The following PPP1R3A variants were observed in gnomAD, a reference collection of about 807,000 sequenced individuals.
PPP1R3A encodes the protein protein phosphatase 1 regulatory subunit 3A.
Under a neutral mutation model 41.7 loss-of-function variants are expected in PPP1R3A, and 29 were observed. That is an observed-to-expected ratio of 0.70 (90% CI 0.52 to 0.95). The LOEUF (loss-of-function observed/expected upper bound fraction) is 0.95. Among genes scored for constraint, PPP1R3A ranks in the 40% least tolerant of loss-of-function variants. PPP1R3A has a pLI of 0.00. For synonymous variants in PPP1R3A, 485 were observed against 453.4 expected (o/e 1.07, Z -0.89); for missense variants, 1,352 against 1,292.4 (o/e 1.05, Z -0.71).
chr7:113,888,186 GAATT>G (rs1796818897), intron 1 of PPP1R3A, among the ~76,000 whole-genome samples: 1 of 152,124 alleles, frequency 6.6e-6, no homozygotes, highest in Non-Finnish European at 1.5e-5. Context: ...AAATGAGGTT[GAATT>G]ATTTAGGTAC....
At position 113,878,362 on chromosome 7, in the gene PPP1R3A, A is replaced by C. The variant is rs1216386658; in HGVS notation, c.2730T>G (p.Pro910=). ...GTTTGGAAAAAGGAGAGCTATTCTG[A>C]GGAGCTCTATTAGTGTCTGAGTTAA... ...SAFNSDTNRA[P]QNSSPFSKHH... The change falls in exon 4 of 4, where the codon CCT becomes CCG. Residue 910 remains proline (P), a synonymous_variant. Transcript: ENST00000284601. 1 of 1,612,650 alleles carries C rather than the reference A, an allele frequency of 6.2e-7. No individual in the cohort carries two copies. Among genetic ancestry groups the C allele is most frequent in the Admixed American group, 1.7e-5 (1 of 59,860 alleles).
At chr7:113,890,293 G>T (rs940417376) in intron 1 of PPP1R3A, among the ~76,000 whole-genome samples, 28 of 152,082 alleles carry the variant, frequency 1.8e-4, no homozygotes, top group African/African-American at 6.5e-4. Flanking sequence ...CCAGAAATCG[G>T]ATCTACTGCA....
chr7:113,887,676 T>A (rs1467122755), intron 1 of PPP1R3A, among the ~76,000 whole-genome samples: 1 of 152,120 alleles, frequency 6.6e-6, no homozygotes, highest in Non-Finnish European at 1.5e-5. Context: ...GTTTCCCAAT[T>A]AGAAAAGAAT....
intron 1 of PPP1R3A, among the ~76,000 whole-genome samples, chr7:113,894,560 A>G (rs996427077): frequency 6.6e-6 from 1 of 151,890 alleles, no homozygotes; most frequent in African/African-American, 2.4e-5. Context: ...TTTCCTCACA[A>G]CGTAAGTGCT....
chr7:113,916,534 G>A (rs1797345952), intron 1 of PPP1R3A, among the ~76,000 whole-genome samples: 1 of 151,984 alleles, frequency 6.6e-6, no homozygotes, highest in South Asian at 2.1e-4. Context: ...AGTTCAGCAG[G>A]TATTGCTTGA....
intron 1 of PPP1R3A, among the ~76,000 whole-genome samples, chr7:113,889,490 T>C (rs926082240): frequency 6.6e-6 from 1 of 152,092 alleles, no homozygotes; most frequent in Non-Finnish European, 1.5e-5. Flanking sequence ...TTTAACCAAA[T>C]GGGAAGTGAA....
intron 1 of PPP1R3A, among the ~76,000 whole-genome samples, chr7:113,910,577 C>T (rs1271377163): frequency 2.0e-5 from 3 of 151,948 alleles, no homozygotes. Context: ...GTTGTTTTAA[C>T]ATATAATAAA....
chr7:113,884,703 T>C (rs1203156118), intron 1 of PPP1R3A, among the ~76,000 whole-genome samples: 2 of 152,070 alleles, frequency 1.3e-5, no homozygotes, highest in East Asian at 3.9e-4. Context: ...AGTTTAACTG[T>C]AGTAAAATTT....
At chr7:113,905,509 AT>A (rs1205363309) in intron 1 of PPP1R3A, among the ~76,000 whole-genome samples, 3 of 151,858 alleles carry the variant, frequency 2.0e-5, no homozygotes, top group Admixed American at 6.6e-5. Flanking sequence ...AATTGTTTCT[AT>A]TCTTCCTGTA....
At chr7:113,886,784 T>C (rs896562636) in intron 1 of PPP1R3A, among the ~76,000 whole-genome samples, 2 of 151,996 alleles carry the variant, frequency 1.3e-5, no homozygotes, top group East Asian at 1.9e-4. Flanking sequence ...ATCTAAAGAG[T>C]TGAATTTAAG....
chr7:113,902,720 G>A (rs1381363453), intron 1 of PPP1R3A, among the ~76,000 whole-genome samples: 1 of 151,854 alleles, frequency 6.6e-6, no homozygotes, highest in Non-Finnish European at 1.5e-5. Flanking sequence ...TTTTGAGAAA[G>A]TGAAGGAAGA....
Position 113,882,297 on chromosome 7 carries a change from G to C in PPP1R3A, c.806C>G (p.Ser269Ter). 6.8e-7 allele frequency: 1 copy of C among 1,468,216 alleles called. No individual in the cohort carries two copies. The highest frequency in any genetic ancestry group is 9.5e-7 in the Non-Finnish European group (1 of 1,050,198). 90.9% of individuals were successfully genotyped at this position (1,468,216 alleles called of 1,614,324 possible). A position where few individuals can be genotyped will look rare whatever the true frequency, so the allele number is the denominator to read the frequency against. ...TGGATTCTCAAAGTTATTTTCTTCT[G>C]ATGTTACTGATGATTCTTCTTTACT... ...KSSKEESSVT[S>*]EENNFENPKN... The change falls in exon 2 of 4, where the codon TCA (serine) becomes TGA (stop). Residue 269 changes from serine to a stop codon, truncating the protein, a stop_gained. Transcript: ENST00000284601. LOFTEE classifies it high-confidence loss of function.
At chr7:113,888,712 G>T (rs1276121953) in intron 1 of PPP1R3A, among the ~76,000 whole-genome samples, 2 of 152,158 alleles carry the variant, frequency 1.3e-5, no homozygotes, top group African/African-American at 4.8e-5. Flanking sequence ...TCTAGATGGT[G>T]AACCAGCAAG....
chr7:113,879,691 A>G lies in PPP1R3A; in HGVS notation c.1401T>C (p.Asn467=). Residue 467 remains asparagine (N), a synonymous_variant, in exon 4 of 4, where the codon AAT becomes AAC. Coordinates refer to ENST00000284601, the MANE Select transcript of PPP1R3A (RefSeq NM_002711.4). Reference sequence around the variant, plus strand: ...TTTTAGCTCCTCCTTCATGTTTTTTATTAAGGTTTCCTGCCATTAGTTGAT... The same window carrying G: ...TTTTAGCTCCTCCTTCATGTTTTTTGTTAAGGTTTCCTGCCATTAGTTGAT... ...SSDQLMAGNL[N]KKHEGGAKNI... 6.2e-6 allele frequency: 10 copies of G among 1,613,050 alleles called. No individual in the cohort carries two copies. Among genetic ancestry groups the G allele is most frequent in the Non-Finnish European group, 8.5e-6 (10 of 1,179,584 alleles).
chr7:113,883,395 C>T (rs1584812931), intron 1 of PPP1R3A, among the ~76,000 whole-genome samples: 1 of 151,950 alleles, frequency 6.6e-6, no homozygotes, highest in Admixed American at 6.6e-5. Context: ...TTTATATTCA[C>T]AAATCATGAG....
chr7:113,878,357 T>C lies in PPP1R3A; in HGVS notation c.2735A>G (p.Asn912Ser), dbSNP rs765961672. 55 of 1,612,512 alleles carry C rather than the reference T, an allele frequency of 3.4e-5. No homozygotes were observed. The South Asian group carries it at 5.6e-4, about 16-fold the overall frequency. Reference sequence around the variant, plus strand: ...ATGATGTTTGGAAAAAGGAGAGCTATTCTGAGGAGCTCTATTAGTGTCTGA... The same window carrying C: ...ATGATGTTTGGAAAAAGGAGAGCTACTCTGAGGAGCTCTATTAGTGTCTGA... ...FNSDTNRAPQ[N>S]SSPFSKHHTE... The change falls in exon 4 of 4, where the codon AAT becomes AGT. Residue 912 changes from asparagine to serine, a missense_variant. Coordinates refer to ENST00000284601, the MANE Select transcript of PPP1R3A (RefSeq NM_002711.4).
intron 1 of PPP1R3A, among the ~76,000 whole-genome samples, chr7:113,888,126 G>A (rs576647743): frequency 6.6e-6 from 1 of 152,218 alleles, no homozygotes; most frequent in East Asian, 1.9e-4. Context: ...CCAAGGGGTA[G>A]AATGAGAATT....
At chr7:113,880,985 TTCTAAACA>T (rs1360704710) in intron 3 of PPP1R3A, among the ~76,000 whole-genome samples, 1 of 152,060 alleles carries the variant, frequency 6.6e-6, no homozygotes, top group Non-Finnish European at 1.5e-5. Flanking sequence ...TCTCAGTAAC[TTCTAAACA>T]AACTTTTATA....
In PPP1R3A at chr7:113,879,108, G is replaced by C; in HGVS notation, c.1984C>G (p.Gln662Glu). 1 of 1,612,686 alleles carries C rather than the reference G, an allele frequency of 6.2e-7. No homozygotes were observed. The highest frequency in any genetic ancestry group is 8.5e-7 in the Non-Finnish European group (1 of 1,178,996). ...GTCTTATTCTCTCTTGATTTTCCCT[G>C]ACTTTCCAGAACATTCCAACTTTGT... ...HKQSWNVLES[Q>E]GKSRENKTNI... is the part of the protein sequence containing the mutation. The change falls in exon 4 of 4, where the codon CAG (glutamine) becomes GAG (glutamate). Residue 662 changes from glutamine to glutamate, a missense_variant. By Grantham distance (29) the Gln-to-Glu change is conservative. Coordinates refer to ENST00000284601, the MANE Select transcript of PPP1R3A (RefSeq NM_002711.4).
Sources: gnomAD v4.1 joint callset for allele counts (sites outside exome capture counted in the v4.1 genomes callset) on GRCh38, gnomAD v4.1.1 for gene constraint, MANE v1.5 for transcripts, NCBI Gene and HGNC (gene_info 2026-07-23, HGNC 2026-07-21) for gene names.